ITSN2: variants seen among roughly 807,000 people sequenced by gnomAD.
ITSN2 encodes intersectin-2.
In ITSN2, 156 loss-of-function variants were observed where a neutral mutation model predicts 243.7. The observed-to-expected ratio is 0.64, with a 90% CI of 0.56 to 0.73. The LOEUF (loss-of-function observed/expected upper bound fraction) is 0.73. Ranked by LOEUF, ITSN2 falls within the 30% of genes least tolerant of loss-of-function variation. ITSN2 has a pLI of 0.00. For missense variants in ITSN2, 1,801 were observed against 1,996.1 expected (o/e 0.90, Z 1.86); for synonymous variants, 703 against 699.9 (o/e 1.00, Z -0.07).
intron 23 of ITSN2, among the ~76,000 whole-genome samples, chr2:24,256,769 T>A (rs906733572): frequency 2.6e-5 from 4 of 152,088 alleles, no homozygotes; most frequent in Admixed American, 6.6e-5. Flanking sequence ...AAAAAAGACA[T>A]GCATCCCAGC....
intron 15 of ITSN2, among the ~76,000 whole-genome samples, chr2:24,287,526 C>G (rs1277358095): frequency 6.6e-6 from 1 of 151,998 alleles, no homozygotes; most frequent in African/African-American, 2.4e-5. Context: ...CTCTTTGAGA[C>G]AGTAATTTTG....
chr2:24,210,103 G>A (rs1250442019), intron 34 of ITSN2, 70 bp from the exon 35 acceptor site: 2 of 1,126,118 alleles, frequency 1.8e-6, no homozygotes, highest in Non-Finnish European at 2.7e-6. Context: ...AGAGGCCAGT[G>A]CCCTGGGCCT....
At chr2:24,271,301 A>G (rs1677312293) in intron 19 of ITSN2, among the ~76,000 whole-genome samples, 1 of 152,206 alleles carries the variant, frequency 6.6e-6, no homozygotes, top group Non-Finnish European at 1.5e-5. Flanking sequence ...GTTCATCTTT[A>G]GAATGTTTTA....
chr2:24,305,326 G>A (rs1173220094), intron 8 of ITSN2, among the ~76,000 whole-genome samples: 2 of 152,152 alleles, frequency 1.3e-5, no homozygotes, highest in African/African-American at 4.8e-5. Flanking sequence ...CAGTGGACAG[G>A]CGCGGTAGCT....
chr2:24,209,017 G>A (rs1017443421), intron 36 of ITSN2, 83 bp downstream of exon 36: 63 of 1,497,772 alleles, frequency 4.2e-5, no homozygotes, highest in Middle Eastern at 2.2e-4. Flanking sequence ...GCTTAAGCAC[G>A]GCTGGAGATG....
chr2:24,213,259 C>A (rs1299650510), intron 32 of ITSN2, among the ~76,000 whole-genome samples: 1 of 152,112 alleles, frequency 6.6e-6, no homozygotes, highest in African/African-American at 2.4e-5. Flanking sequence ...TAGCATACAC[C>A]ACATGTGCAC....
intron 28 of ITSN2, 33 bp downstream of exon 28, chr2:24,246,764 T>G: frequency 7.6e-7 from 1 of 1,314,982 alleles, no homozygotes; most frequent in Non-Finnish European, 1.1e-6. Context: ...CAAACTCCTC[T>G]AAAATGAAAT....
intron 1 of ITSN2, among the ~76,000 whole-genome samples, chr2:24,349,700 T>G (rs1350523637): frequency 6.6e-6 from 1 of 152,130 alleles, no homozygotes; most frequent in African/African-American, 2.4e-5. Context: ...ATTCCCAAAC[T>G]ATTCTAACCA....
chr2:24,332,998 C>T (rs1230606236), intron 1 of ITSN2, among the ~76,000 whole-genome samples: 2 of 152,176 alleles, frequency 1.3e-5, no homozygotes, highest in Non-Finnish European at 2.9e-5. Context: ...CCAGATACTG[C>T]TAGGCACCTT....
intron 1 of ITSN2, among the ~76,000 whole-genome samples, chr2:24,347,544 T>C (rs564820975): frequency 3.7e-4 from 56 of 152,194 alleles, no homozygotes; most frequent in African/African-American, 1.2e-3. Flanking sequence ...AAATTAGCCA[T>C]GCGTGGTGGC....
intron 34 of ITSN2, 88 bp downstream of exon 34, chr2:24,210,692 G>T: frequency 7.8e-7 from 1 of 1,278,612 alleles, no homozygotes; most frequent in Non-Finnish European, 1.1e-6. Context: ...TGCCTAAGGT[G>T]CAGACTGTCC....
chr2:24,260,298 T>C lies in ITSN2; in HGVS notation c.2682+808A>G, dbSNP rs568559019. ...ATAAAATGCCTGGAACCTATGGCCA[T>C]GGCATTTTTTGAGTGAAGGTGAAAT... On this transcript the variant is annotated intron_variant, in intron 22 of 39. Transcript: ENST00000355123. 2.0e-5 allele frequency among the ~76,000 whole-genome samples: 3 copies of C among 152,244 alleles called. No individual in the cohort carries two copies. In the South Asian group the frequency reaches 6.2e-4, roughly 32 times the overall value.
chr2:24,314,368 T>C (rs948689570), intron 3 of ITSN2, among the ~76,000 whole-genome samples: 3 of 152,182 alleles, frequency 2.0e-5, no homozygotes, highest in Non-Finnish European at 4.4e-5. Flanking sequence ...CATGGTTAAG[T>C]AGATGGATTC....
intron 29 of ITSN2, chr2:24,241,061 G>A (rs1301501421): frequency 6.6e-6 from 1 of 152,076 alleles, no homozygotes. Context: ...TGAACACAGA[G>A]GAATGCCAGG....
intron 24 of ITSN2, among the ~76,000 whole-genome samples, chr2:24,253,718 G>GT (rs1470470817): frequency 6.6e-6 from 1 of 152,148 alleles, no homozygotes; most frequent in African/African-American, 2.4e-5. Flanking sequence ...AATCTTCAAC[G>GT]TAACAGATAC....
intron 35 of ITSN2, 38 bp from the exon 36 acceptor site, chr2:24,209,259 G>T (rs373217472): frequency 1.7e-5 from 28 of 1,608,214 alleles, no homozygotes; most frequent in Non-Finnish European, 2.3e-5. Flanking sequence ...CTGTGAGATG[G>T]GCTAGAACAC....
intron 24 of ITSN2, among the ~76,000 whole-genome samples, chr2:24,252,859 T>A (rs899189373): frequency 1.3e-5 from 2 of 152,200 alleles, no homozygotes; most frequent in Admixed American, 6.5e-5. Context: ...GTTATTCAGA[T>A]AATGGAGTCA....
intron 38 of ITSN2, 90 bp downstream of exon 38, chr2:24,205,124 G>T: frequency 9.4e-7 from 1 of 1,060,250 alleles, no homozygotes; most frequent in Non-Finnish European, 1.5e-6. Context: ...TCCAGCCTAG[G>T]TTATACACTG....
intron 2 of ITSN2, among the ~76,000 whole-genome samples, chr2:24,325,942 TACAC>T (rs912299431): frequency 1.5e-4 from 22 of 151,324 alleles, no homozygotes; most frequent in African/African-American, 5.3e-4. Flanking sequence ...CACACACACA[TACAC>T]ACACACATAC....
Sources: gnomAD v4.1 joint callset for allele counts (sites outside exome capture counted in the v4.1 genomes callset) on GRCh38, gnomAD v4.1.1 for gene constraint, MANE v1.5 for transcripts, NCBI Gene and HGNC (gene_info 2026-07-23, HGNC 2026-07-21) for gene names.